Variants in CEP89 observed in about 807,000 individuals in gnomAD.
CEP89 encodes the protein centrosomal protein of 89 kDa.
CEP89 carries 95 observed loss-of-function variants against 97.6 expected under a neutral mutation model. The ratio of observed to expected loss-of-function variants is 0.97; its 90% CI spans 0.82 to 1.15. The LOEUF (loss-of-function observed/expected upper bound fraction) is 1.15, where lower values mean the gene tolerates loss of function less well. Among genes scored for constraint, CEP89 ranks in the 50% most tolerant of loss-of-function variants. CEP89 has a pLI of 0.00. For missense variants in CEP89, 869 were observed against 947.7 expected (o/e 0.92, Z 1.09); for synonymous variants, 354 against 349.1 (o/e 1.01, Z -0.16).
intron 2 of CEP89, among the ~76,000 whole-genome samples, chr19:32,960,809 C>CA (rs35468327): frequency 0.53 from 77,395 of 147,078 alleles, 20,190 homozygotes; most frequent in South Asian, 0.6. Context: ...GTCTCCATCT[C>CA]AAAAAAAAAA....
chr19:32,959,991 G>A lies in CEP89; in HGVS notation c.214C>T (p.Arg72Cys), dbSNP rs764207106. 1.4e-5 allele frequency: 23 copies of A among 1,614,064 alleles called. No homozygotes were observed. Among genetic ancestry groups the A allele is most frequent in the Non-Finnish European group, 1.9e-5 (22 of 1,180,048 alleles). ...TCACTCTCAGACCGGGACCTCTGGCGAGGCTGAGGAATAGCAACCGTCCGC... is the reference window on the plus strand; with the variant it reads ...TCACTCTCAGACCGGGACCTCTGGCAAGGCTGAGGAATAGCAACCGTCCGC... Reference protein sequence around the residue: ...TGRTVAIPQPRQRSRSESDVS... With the variant: ...TGRTVAIPQPCQRSRSESDVS... The change falls in exon 3 of 19, where the codon CGC (arginine) becomes TGC (cysteine). Residue 72 changes from arginine to cysteine, a missense_variant. Coordinates refer to ENST00000305768, the MANE Select transcript of CEP89 (RefSeq NM_032816.5).
intron 7 of CEP89, chr19:32,937,077 G>A (rs73051179): frequency 0.057 from 8,791 of 155,508 alleles, 306 homozygotes; most frequent in South Asian, 0.15. Context: ...AGACATTTCC[G>A]ACCAGAAAAG....
intron 16 of CEP89, among the ~76,000 whole-genome samples, chr19:32,899,213 C>T (rs1315267595): frequency 3.3e-5 from 5 of 151,234 alleles, no homozygotes; most frequent in Admixed American, 6.6e-5. Context: ...TCACTGCAGC[C>T]TTCAACTCCC....
chr19:32,939,937 T>C, intron 5 of CEP89, 52 bp from the exon 6 acceptor site: 1 of 848,536 alleles, frequency 1.2e-6, no homozygotes, highest in Non-Finnish European at 1.9e-6. Context: ...TAATGAAATA[T>C]GACAACTCAG....
chr19:32,896,789 T>A (rs113033361), intron 16 of CEP89, among the ~76,000 whole-genome samples: 1 of 151,752 alleles, frequency 6.6e-6, no homozygotes, highest in Non-Finnish European at 1.5e-5. Context: ...CTTTTTTTTT[T>A]TAAGGAACAC....
At chr19:32,937,088 C>T (rs59223123) in intron 7 of CEP89, 71 of 155,320 alleles carry the variant, frequency 4.6e-4, no homozygotes, top group Non-Finnish European at 8.0e-4. Context: ...ACCAGAAAAG[C>T]GACACCCCAA....
intron 12 of CEP89, 41 bp downstream of exon 12, chr19:32,923,398 G>A: frequency 1.0e-6 from 1 of 978,014 alleles, no homozygotes. Flanking sequence ...GTTACCATTT[G>A]TTTTAAATTA....
At chr19:32,930,483 A>C (rs1599751518) in intron 9 of CEP89, among the ~76,000 whole-genome samples, 1 of 152,178 alleles carries the variant, frequency 6.6e-6, no homozygotes, top group East Asian at 1.9e-4. Flanking sequence ...ATTAAAAAAA[A>C]AAAGTGAAAC....
intron 17 of CEP89, among the ~76,000 whole-genome samples, chr19:32,883,336 A>C (rs948019552): frequency 6.6e-6 from 1 of 151,846 alleles, no homozygotes; most frequent in Non-Finnish European, 1.5e-5. Context: ...TTTGCTTATT[A>C]ATTTCTGTTT....
At chr19:32,954,516 C>T (rs1971005162) in intron 3 of CEP89, among the ~76,000 whole-genome samples, 1 of 151,710 alleles carries the variant, frequency 6.6e-6, no homozygotes, top group Admixed American at 6.6e-5. Context: ...CCAAGCCCAG[C>T]TAGTTTTTGT....
intron 2 of CEP89, 85 bp from the exon 3 acceptor site, chr19:32,960,143 T>C: frequency 7.0e-7 from 1 of 1,429,260 alleles, no homozygotes; most frequent in Non-Finnish European, 9.7e-7. Context: ...TCATCAAGGC[T>C]TACCTTCTGC....
chr19:32,884,849 C>T (rs1428968790), intron 17 of CEP89, among the ~76,000 whole-genome samples: 1 of 151,688 alleles, frequency 6.6e-6, no homozygotes, highest in East Asian at 1.9e-4. Flanking sequence ...AGGCACGTGC[C>T]ACTCTGCCCA....
chr19:32,945,649 C>G (rs530232391), intron 5 of CEP89, among the ~76,000 whole-genome samples: 8 of 152,286 alleles, frequency 5.3e-5, no homozygotes, highest in African/African-American at 1.4e-4. Context: ...GCTCTTCCTT[C>G]CATGCATTAA....
At chr19:32,920,764 G>A (rs62125029) in intron 12 of CEP89, among the ~76,000 whole-genome samples, 33,469 of 151,950 alleles carry the variant, frequency 0.22, 3,925 homozygotes, top group East Asian at 0.51. Flanking sequence ...GATTATAGGC[G>A]TGAGCCACTG....
At chr19:32,908,391 A>G (rs1373944999) in intron 14 of CEP89, among the ~76,000 whole-genome samples, 1 of 152,166 alleles carries the variant, frequency 6.6e-6, no homozygotes, top group Non-Finnish European at 1.5e-5. Context: ...CTTTGGGCTC[A>G]GAGTCGATAG....
intron 16 of CEP89, among the ~76,000 whole-genome samples, chr19:32,895,321 A>C (rs1456694052): frequency 2.0e-5 from 3 of 152,214 alleles, no homozygotes; most frequent in Non-Finnish European, 4.4e-5. Context: ...CAACATACAC[A>C]AATCAATAAA....
At chr19:32,895,348 A>G (rs1969618085) in intron 16 of CEP89, among the ~76,000 whole-genome samples, 2 of 152,250 alleles carry the variant, frequency 1.3e-5, no homozygotes, top group Non-Finnish European at 2.9e-5. Flanking sequence ...AGATCACATC[A>G]GCAGAATGAA....
intron 4 of CEP89, among the ~76,000 whole-genome samples, chr19:32,949,447 G>A (rs1255325657): frequency 2.0e-5 from 3 of 151,740 alleles, no homozygotes; most frequent in African/African-American, 4.8e-5. Context: ...GTGCAGTGGC[G>A]CAATCATGGC....
intron 9 of CEP89, 65 bp from the exon 10 acceptor site, chr19:32,927,049 A>C: frequency 7.0e-7 from 1 of 1,420,944 alleles, no homozygotes; most frequent in Admixed American, 1.7e-5. Flanking sequence ...CAAGTCTTAG[A>C]TATTCTTAAT....
Sources: allele counts gnomAD v4.1 joint callset (sites outside exome capture counted in the v4.1 genomes callset), GRCh38; gene constraint gnomAD v4.1.1; transcripts MANE v1.5; gene names NCBI Gene and HGNC (gene_info 2026-07-23, HGNC 2026-07-21).